The following CHKA variants were observed in gnomAD, a reference collection of about 807,000 sequenced individuals.
CHKA encodes the protein CHETK-alpha.
In CHKA, 34 loss-of-function variants were observed where a neutral mutation model predicts 60.1. The ratio of observed to expected loss-of-function variants is 0.57; its 90% CI spans 0.43 to 0.75. The LOEUF is 0.75. CHKA is among the 30% of genes least tolerant of loss of function. The pLI is 0.00. For synonymous variants in CHKA, 217 were observed against 223.1 expected (o/e 0.97, Z 0.24); for missense variants, 563 against 561.3 (o/e 1.00, Z -0.03).
rs1204664495 is a variant in CHKA at position 68,070,795 on chromosome 11, T to C, written c.693A>G (p.Lys231=). 6.2e-7 allele frequency: 1 copy of C among 1,613,396 alleles called. No homozygotes were observed. The highest frequency in any genetic ancestry group is 1.7e-5 in the Admixed American group (1 of 60,012). Reference sequence around the variant, plus strand: ...TTTTCATACCATGAAATGTAGCCATTTTCTCGGCGATTTCTGCAGAAATAT... The same window carrying C: ...TTTTCATACCATGAAATGTAGCCATCTTCTCGGCGATTTCTGCAGAAATAT... The part of the protein sequence containing the change: ...LPDISAEIAE[K]MATFHGMKMP... Residue 231 remains lysine, a synonymous_variant, in exon 5 of 12, where the codon AAA becomes AAG. Coordinates refer to ENST00000265689, the MANE Select transcript of CHKA (RefSeq NM_001277.3).
At chr11:68,101,975 C>T (rs1334708533) in intron 1 of CHKA, among the ~76,000 whole-genome samples, 1 of 151,816 alleles carries the variant, frequency 6.6e-6, no homozygotes, top group Non-Finnish European at 1.5e-5. Flanking sequence ...TGGTGGGCGC[C>T]TGTAATCCCA....
chr11:68,081,541 G>T, intron 2 of CHKA, 84 bp from the exon 3 acceptor site: 1 of 1,117,922 alleles, frequency 8.9e-7, no homozygotes, highest in Non-Finnish European at 1.4e-6. Flanking sequence ...GAACAGTCAG[G>T]GTTTACAAAA....
intron 3 of CHKA, among the ~76,000 whole-genome samples, chr11:68,075,195 T>C (rs956572780): frequency 5.9e-5 from 9 of 152,138 alleles, no homozygotes; most frequent in African/African-American, 2.2e-4. Context: ...CACAACACCA[T>C]CCATTCTGGT....
chr11:68,109,206 C>T (rs995358151), intron 1 of CHKA, among the ~76,000 whole-genome samples: 3 of 150,948 alleles, frequency 2.0e-5, no homozygotes, highest in Non-Finnish European at 4.4e-5. Context: ...TCTCCTGCCT[C>T]AGCCTCCCGA....
intron 1 of CHKA, among the ~76,000 whole-genome samples, chr11:68,113,081 C>CAAAAAAAAAAAAAA (rs71040587): frequency 1.1e-3 from 16 of 14,548 alleles, no homozygotes; most frequent in Non-Finnish European, 1.4e-3. Flanking sequence ...GACTCCGTCT[C>CAAAAAAAAAAAAAA]AAAAAAAAAA....
chr11:68,077,746 A>C (rs1360340595), intron 3 of CHKA, among the ~76,000 whole-genome samples: 1 of 152,166 alleles, frequency 6.6e-6, no homozygotes, highest in Non-Finnish European at 1.5e-5. Flanking sequence ...GACTGGGCTC[A>C]CTGCCATGAG....
chr11:68,114,709 AAAAAG>A (rs1236033762), intron 1 of CHKA, among the ~76,000 whole-genome samples: 1 of 152,076 alleles, frequency 6.6e-6, no homozygotes, highest in Non-Finnish European at 1.5e-5. Flanking sequence ...GAAAAAAAAA[AAAAAG>A]AAGAAGAAAA....
chr11:68,053,929 C>G lies in CHKA; in HGVS notation c.*59G>C. 1 of 1,483,090 alleles carries G rather than the reference C, an allele frequency of 6.7e-7. No individual in the cohort carries two copies. Among genetic ancestry groups the G allele is most frequent in the Non-Finnish European group, 9.4e-7 (1 of 1,066,520 alleles). 91.9% of individuals were successfully genotyped at this position (1,483,090 alleles called of 1,614,324 possible). A position where few individuals can be genotyped will look rare whatever the true frequency, so the allele number is the denominator to read the frequency against. On this transcript the variant is annotated 3_prime_UTR_variant, in exon 12 of 12. Transcript: ENST00000265689. ...GCAGTAGTCGAAGCACAGAGGGGACCCCGCTCTGCTGCCTCCCCATGCAGT... is the reference window on the plus strand; with the variant it reads ...GCAGTAGTCGAAGCACAGAGGGGACGCCGCTCTGCTGCCTCCCCATGCAGT...
At chr11:68,094,908 C>T (rs939730059) in intron 2 of CHKA, among the ~76,000 whole-genome samples, 9 of 152,246 alleles carry the variant, frequency 5.9e-5, no homozygotes, top group Non-Finnish European at 1.2e-4. Flanking sequence ...GGTTTCTTCA[C>T]ATTATGACAA....
Position 68,066,477 on chromosome 11 carries a change from T to G in CHKA, c.968A>C (p.Lys323Thr), listed in dbSNP as rs140549404. 9.3e-6 allele frequency: 15 copies of G among 1,614,112 alleles called. No homozygotes were observed. In the African/African-American group the frequency reaches 1.6e-4, roughly 17 times the overall value. Residue 323 changes from lysine (K) to threonine (T), a missense_variant, in exon 8 of 12, where the codon AAA (lysine) becomes ACA (threonine). Coordinates refer to ENST00000265689, the MANE Select transcript of CHKA (RefSeq NM_001277.3). ...GAAATCAATGAGCATCAGTTTCTGT[T>G]TTTCAGAATTCTCTCGGCCTTCCAG... is the stretch of plus-strand genomic sequence containing the variant. ...LLLEGRENSE[K>T]QKLMLIDFEY... is the part of the protein sequence containing the mutation.
At chr11:68,075,771 C>T (rs1856767045) in intron 3 of CHKA, among the ~76,000 whole-genome samples, 2 of 152,034 alleles carry the variant, frequency 1.3e-5, no homozygotes, top group South Asian at 2.1e-4. Flanking sequence ...TGCCCCACCA[C>T]CACCGAAGTC....
intron 9 of CHKA, 82 bp from the exon 10 acceptor site, chr11:68,064,713 C>T: frequency 1.3e-6 from 1 of 764,498 alleles, no homozygotes; most frequent in Non-Finnish European, 2.2e-6. Context: ...TATGCATCTA[C>T]TGTGACACAC....
intron 1 of CHKA, 152 bp downstream of exon 1, chr11:68,120,676 G>C (rs1858594416): frequency 3.7e-6 from 1 of 268,462 alleles, no homozygotes; most frequent in African/African-American, 2.3e-5. Flanking sequence ...GAGGGCTTTC[G>C]CCGGCTGCGG....
At chr11:68,112,044 A>G (rs1380306725) in intron 1 of CHKA, among the ~76,000 whole-genome samples, 11 of 92,282 alleles carry the variant, frequency 1.2e-4, no homozygotes, top group African/African-American at 4.9e-4. Flanking sequence ...CAACAGCAAA[A>G]CTCCGTCTCA....
intron 7 of CHKA, among the ~76,000 whole-genome samples, chr11:68,067,251 G>A (rs976462006): frequency 2.6e-5 from 4 of 152,176 alleles, no homozygotes; most frequent in Admixed American, 1.3e-4. Flanking sequence ...TCTAGTGGAG[G>A]TATAGTGTCT....
chr11:68,119,078 C>T (rs1439920288), intron 1 of CHKA, among the ~76,000 whole-genome samples: 4 of 152,304 alleles, frequency 2.6e-5, no homozygotes, highest in East Asian at 1.9e-4. Flanking sequence ...CTAAAATGAT[C>T]GCCCTTCTAG....
At position 68,121,068 on chromosome 11, in the gene CHKA, C is replaced by A; in HGVS notation, c.110G>T (p.Arg37Leu). Residue 37 changes from arginine to leucine, a missense_variant, in exon 1 of 12, where the codon CGC (arginine) becomes CTC (leucine). Physicochemically the swap from Arg to Leu is moderately radical, Grantham distance 102. Coordinates refer to ENST00000265689, the MANE Select transcript of CHKA (RefSeq NM_001277.3). ...GGACTCGAGGTCGCTGGCGGCGTCG[C>A]GCTGCTGCCCCACGCCGGGCGCCGG... Reference protein sequence around the residue: ...AAPAPGVGQQRDAASDLESKQ... With the variant: ...AAPAPGVGQQLDAASDLESKQ... 1 of 1,114,788 alleles carries A rather than the reference C, an allele frequency of 9.0e-7. No homozygotes were observed. Among genetic ancestry groups the A allele is most frequent in the Non-Finnish European group, 1.1e-6 (1 of 913,702 alleles). The allele number at this position is 1,114,788 out of a possible 1,614,324, so 69.1% of individuals were successfully genotyped here.
chr11:68,061,093 CA>C, intron 11 of CHKA, among the ~76,000 whole-genome samples: 1 of 129,412 alleles, frequency 7.7e-6, no homozygotes, highest in Non-Finnish European at 1.6e-5. Flanking sequence ...ATGTCAGTGA[CA>C]GTTTTTTTTT....
At chr11:68,064,237 T>A (rs1268643154) in intron 10 of CHKA, among the ~76,000 whole-genome samples, 1 of 151,964 alleles carries the variant, frequency 6.6e-6, no homozygotes, top group African/African-American at 2.4e-5. Flanking sequence ...CAAAAACCCA[T>A]CTCTACTAAA....
Sources: allele counts gnomAD v4.1 joint callset (sites outside exome capture counted in the v4.1 genomes callset), GRCh38; gene constraint gnomAD v4.1.1; transcripts MANE v1.5; gene names NCBI Gene and HGNC (gene_info 2026-07-23, HGNC 2026-07-21).